ZHX3: variants seen among roughly 807,000 people sequenced by gnomAD.
ZHX3 encodes the protein zinc fingers and homeoboxes protein 3.
ZHX3 carries 20 observed loss-of-function variants against 64.5 expected under a neutral mutation model. That is an observed-to-expected ratio of 0.31 (90% confidence interval 0.22 to 0.45). The LOEUF is 0.45. Among genes scored for constraint, ZHX3 ranks in the 20% least tolerant of loss-of-function variants. The pLI, the probability that ZHX3 is intolerant of heterozygous loss-of-function variation, is 1.00. For synonymous variants in ZHX3, 423 were observed against 461.6 expected (o/e 0.92, Z 1.07); for missense variants, 1,041 against 1,195.8 (o/e 0.87, Z 1.91).
chr20:41,247,045 G>A (rs1600494653), intron 2 of ZHX3, among the ~76,000 whole-genome samples: 1 of 152,290 alleles, frequency 6.6e-6, no homozygotes, highest in Non-Finnish European at 1.5e-5. Flanking sequence ...CAGATCGCTT[G>A]AGCCTAGGAG....
rs1237961781 is a variant in ZHX3 at position 41,178,869 on chromosome 20, TCAAAA to T, written c.*6317_*6321del. 6.6e-6 allele frequency: 1 copy of T among 152,620 alleles called. No individual in the cohort carries two copies. The highest frequency in any genetic ancestry group is 1.5e-5 in the Non-Finnish European group (1 of 68,032). The allele number at this position is 152,620 out of a possible 1,614,324, so 9.5% of individuals were successfully genotyped here. On this transcript the variant is annotated 3_prime_UTR_variant, in exon 4 of 4. Transcript: ENST00000683867. ...AGTTTGGCTAAAGTTTCATTGTGCC[TCAAAA>T]CAAACAAAAACAGGGCAGTTGCCTC...
chr20:41,241,306 C>T (rs1005996713), intron 2 of ZHX3, among the ~76,000 whole-genome samples: 8 of 152,146 alleles, frequency 5.3e-5, no homozygotes, highest in African/African-American at 1.9e-4. Context: ...ATTTGTATGT[C>T]TTCTGAGAAA....
In ZHX3 at chr20:41,212,261, C is replaced by T. The variant is rs1384736935; in HGVS notation, c.-150-7195G>A. ...TTCTCCAAAGAAGATATACAAATGGCCAGTAAAGCACATAAAAAACTGCTC... is the reference window on the plus strand; with the variant it reads ...TTCTCCAAAGAAGATATACAAATGGTCAGTAAAGCACATAAAAAACTGCTC... On this transcript the variant is annotated intron_variant, in intron 2 of 3. Transcript: ENST00000683867. This position sits in a 1 kb window ranked among gnomAD's most constrained non-coding sequence, Gnocchi z 4.3. Among the ~76,000 whole-genome samples, 2 of 151,902 alleles carry T rather than the reference C, an allele frequency of 1.3e-5. No individual in the cohort carries two copies. Among genetic ancestry groups the T allele is most frequent in the African/African-American group, 4.8e-5 (2 of 41,340 alleles).
chr20:41,255,297 G>A (rs901327739), intron 2 of ZHX3, among the ~76,000 whole-genome samples: 12 of 151,974 alleles, frequency 7.9e-5, no homozygotes, highest in Admixed American at 3.3e-4. Flanking sequence ...GACTACAGGC[G>A]CCCGCCACCA....
In ZHX3 at chr20:41,226,167, G is replaced by A. The variant is rs540031169; in HGVS notation, c.-150-21101C>T. ...AATCCCAGCACTTTGGGAGGCCGAGGCGGGTGGATCATGAGGTCAGGAGAT... is the reference window on the plus strand; with the variant it reads ...AATCCCAGCACTTTGGGAGGCCGAGACGGGTGGATCATGAGGTCAGGAGAT... On this transcript the variant is annotated intron_variant, in intron 2 of 3. Transcript: ENST00000683867. This position sits in a 1 kb window ranked among gnomAD's most constrained non-coding sequence, Gnocchi z 4.4. 4.1e-4 allele frequency among the ~76,000 whole-genome samples: 62 copies of A among 152,210 alleles called. No individual in the cohort carries two copies. Among genetic ancestry groups the A allele is most frequent in the Non-Finnish European group, 8.1e-4 (55 of 68,006 alleles).
intron 2 of ZHX3, among the ~76,000 whole-genome samples, chr20:41,251,837 T>A (rs967984488): frequency 6.7e-6 from 1 of 149,824 alleles, no homozygotes; most frequent in Non-Finnish European, 1.5e-5. Context: ...AGATACAAAA[T>A]ATATATATAT....
intron 1 of ZHX3, among the ~76,000 whole-genome samples, chr20:41,294,036 G>T (rs111435490): frequency 6.6e-6 from 1 of 152,136 alleles, no homozygotes; most frequent in Admixed American, 6.5e-5. Flanking sequence ...TGGCCAGAAG[G>T]CTACAGCTTT....
At chr20:41,303,661 G>T (rs1264136094) in intron 1 of ZHX3, among the ~76,000 whole-genome samples, 1 of 152,106 alleles carries the variant, frequency 6.6e-6, no homozygotes, top group Non-Finnish European at 1.5e-5. Flanking sequence ...AATGCTACTG[G>T]CCATCTCCTG....
intron 2 of ZHX3, among the ~76,000 whole-genome samples, chr20:41,218,652 G>A (rs2146319006): frequency 6.6e-6 from 1 of 152,250 alleles, no homozygotes; most frequent in Admixed American, 6.5e-5. Flanking sequence ...GTGGAAAACT[G>A]TCCTTCCTCA....
At chr20:41,240,347 C>T (rs888477269) in intron 2 of ZHX3, among the ~76,000 whole-genome samples, 4 of 152,124 alleles carry the variant, frequency 2.6e-5, no homozygotes, top group South Asian at 2.1e-4. Context: ...TTCAAATCAT[C>T]GAACTTACTG....
In ZHX3 at chr20:41,228,465, T is replaced by C. The variant is rs538695695; in HGVS notation, c.-150-23399A>G. On this transcript the variant is annotated intron_variant, in intron 2 of 3. Coordinates refer to ENST00000683867, the MANE Select transcript of ZHX3 (RefSeq NM_001384317.1). The surrounding 1 kb of genome is among the most constrained non-coding windows in gnomAD (Gnocchi z 4.6). ...CTGGATGGCTTATAAACAACAGAAA[T>C]GTATTTCTCACAGTTCTTGAGGCCA... 8.4e-4 allele frequency among the ~76,000 whole-genome samples: 128 copies of C among 152,260 alleles called. No individual in the cohort carries two copies. Among genetic ancestry groups the C allele is most frequent in the African/African-American group, 2.9e-3 (122 of 41,546 alleles).
At chr20:41,208,875 C>T (rs1004271483) in intron 2 of ZHX3, among the ~76,000 whole-genome samples, 2 of 152,130 alleles carry the variant, frequency 1.3e-5, no homozygotes, top group African/African-American at 2.4e-5. Context: ...AAAGGTTATT[C>T]GATTAGGAAA....
rs754629961 is a variant in ZHX3, at chr20:41,181,722, C to T, written c.*3469G>A. ...GAGCAGGATAAAACCCACAAGGGCACATCTCAGGCTACGGAATAGAGAGAT... is the reference window on the plus strand; with the variant it reads ...GAGCAGGATAAAACCCACAAGGGCATATCTCAGGCTACGGAATAGAGAGAT... On this transcript the variant is annotated 3_prime_UTR_variant, in exon 4 of 4. Transcript: ENST00000683867. The T allele has an allele frequency of 6.6e-6, 1 of 152,258 alleles. No individual in the cohort carries two copies. Among genetic ancestry groups the T allele is most frequent in the East Asian group, 1.9e-4 (1 of 5,194 alleles). The allele number at this position is 152,258 out of a possible 1,614,324, so 9.4% of individuals were successfully genotyped here.
intron 1 of ZHX3, among the ~76,000 whole-genome samples, chr20:41,284,378 T>C (rs16985631): frequency 5.9e-5 from 9 of 152,118 alleles, no homozygotes; most frequent in Admixed American, 3.3e-4. Flanking sequence ...AAGCTGCCCA[T>C]TAGGTATCTC....
At chr20:41,265,891 T>C (rs1456245976) in intron 2 of ZHX3, among the ~76,000 whole-genome samples, 1 of 152,194 alleles carries the variant, frequency 6.6e-6, no homozygotes, top group Non-Finnish European at 1.5e-5. Context: ...CCTGTACAAA[T>C]GTCTCTAGTC....
At chr20:41,214,222 G>T (rs1269733239) in intron 2 of ZHX3, among the ~76,000 whole-genome samples, 17 of 152,208 alleles carry the variant, frequency 1.1e-4, no homozygotes, top group Non-Finnish European at 4.4e-5. Context: ...AGCAGTGGCA[G>T]CCACAGCCAG....
Position 41,202,188 on chromosome 20 carries a change from G to T in ZHX3, c.2729C>A (p.Thr910Lys), listed in dbSNP as rs546662515. Residue 910 changes from threonine to lysine, a missense_variant, in exon 3 of 4, where the codon ACA becomes AAA. Physicochemically the swap from Thr to Lys is moderately conservative, Grantham distance 78 (BLOSUM62 -1). This residue lies in a region of ZHX3 where 649 missense variants were observed against 739.8 expected (regional missense o/e 0.88). Coordinates refer to ENST00000683867, the MANE Select transcript of ZHX3 (RefSeq NM_001384317.1). The surrounding 1 kb of genome is among the most constrained non-coding windows in gnomAD (Gnocchi z 7.0). ...EDQGPGTGEL[T>K]AVHKGMGDTY... ...GTCACCCATCCCTTTGTGAACTGCT[G>T]TGAGCTCACCAGTACCAGGGCCCTG... 9 of 1,614,166 alleles carry T rather than the reference G, an allele frequency of 5.6e-6. No homozygotes were observed. In the East Asian group the frequency reaches 1.8e-4, roughly 32 times the overall value.
chr20:41,283,178 G>A (rs539800869), intron 1 of ZHX3, among the ~76,000 whole-genome samples: 12 of 152,260 alleles, frequency 7.9e-5, no homozygotes, highest in African/African-American at 2.9e-4. Flanking sequence ...CAAAGTACTA[G>A]TATTACAGGT....
chr20:41,258,548 A>G (rs1269144211), intron 2 of ZHX3, among the ~76,000 whole-genome samples: 5 of 152,132 alleles, frequency 3.3e-5, no homozygotes, highest in Admixed American at 1.3e-4. Flanking sequence ...TAAGAGTATT[A>G]AACAGTTATT....
Sources: gnomAD v4.1 joint callset for allele counts (sites outside exome capture counted in the v4.1 genomes callset) on GRCh38, gnomAD v4.1.1 for gene constraint, gnomAD v4.1.1 regional missense constraint, Gnocchi (gnomAD v3.1) non-coding constraint, MANE v1.5 for transcripts, NCBI Gene and HGNC (gene_info 2026-07-23, HGNC 2026-07-21) for gene names.